UNC5C: variants seen among roughly 807,000 people sequenced by gnomAD.
UNC5C encodes the protein netrin receptor UNC5C.
In UNC5C, 47 loss-of-function variants were observed where a neutral mutation model predicts 99.8. That is an observed-to-expected ratio of 0.47 (90% CI 0.37 to 0.60). The LOEUF (loss-of-function observed/expected upper bound fraction) is 0.60. Among genes scored for constraint, UNC5C ranks in the 20% least tolerant of loss-of-function variants. UNC5C has a pLI of 0.00. For synonymous variants in UNC5C, 487 were observed against 452.2 expected, an observed-to-expected ratio of 1.08 and a Z score of -0.98; for missense variants, 1,062 against 1,165.9, an observed-to-expected ratio of 0.91 and a Z score of 1.30.
intron 1 of UNC5C, among the ~76,000 whole-genome samples, chr4:95,381,732 C>T (rs1362820222): frequency 6.6e-6 from 1 of 151,982 alleles, no homozygotes; most frequent in Non-Finnish European, 1.5e-5. Context: ...ATTGCATATA[C>T]ATTGATTAAA....
chr4:95,234,643 C>G (rs1739040530), intron 7 of UNC5C, among the ~76,000 whole-genome samples: 1 of 152,118 alleles, frequency 6.6e-6, no homozygotes, highest in African/African-American at 2.4e-5. Context: ...CTGATGGCTT[C>G]TAATTACTCT....
intron 7 of UNC5C, among the ~76,000 whole-genome samples, chr4:95,224,153 C>T (rs1170532379): frequency 1.3e-5 from 2 of 152,116 alleles, no homozygotes; most frequent in South Asian, 2.1e-4. Flanking sequence ...CATGGTGGCG[C>T]GTGCCTGTGA....
intron 1 of UNC5C, among the ~76,000 whole-genome samples, chr4:95,449,965 A>G (rs1201683251): frequency 6.6e-6 from 1 of 152,206 alleles, no homozygotes; most frequent in Non-Finnish European, 1.5e-5. Context: ...GCCCGTACCC[A>G]AGTTTCTTGT....
chr4:95,196,569 A>C (rs1737403466), intron 12 of UNC5C, among the ~76,000 whole-genome samples: 2 of 151,216 alleles, frequency 1.3e-5, no homozygotes, highest in African/African-American at 4.9e-5. Flanking sequence ...TTTAAGTTTC[A>C]GGTGACCATT....
chr4:95,497,985 G>T (rs894068432), intron 1 of UNC5C, among the ~76,000 whole-genome samples: 1 of 152,028 alleles, frequency 6.6e-6, no homozygotes, highest in African/African-American at 2.4e-5. Flanking sequence ...TGCACAAGCT[G>T]CACAGCTTCC....
rs34073450 is a variant in UNC5C at position 95,280,661 on chromosome 4, C to T, written c.491-2299G>A. On this transcript the variant is annotated intron_variant, in intron 3 of 15. Coordinates refer to ENST00000453304, the MANE Select transcript of UNC5C (RefSeq NM_003728.4). ...CCAAGATTGCACCACTGTACTCCAG[C>T]CTGGGTGAAAGAGTGAGACCCCATC... Among the ~76,000 whole-genome samples the T allele has an allele frequency of 6.5e-3, 983 of 151,148 alleles. 7 individuals carry two copies. The highest frequency in any genetic ancestry group is 0.022 in the African/African-American group (905 of 41,318).
In UNC5C at chr4:95,166,454, G is replaced by A. The variant is rs936286737; in HGVS notation, c.*2780C>T. 2.6e-5 allele frequency: 4 copies of A among 152,158 alleles called. No individual in the cohort carries two copies. The highest frequency in any genetic ancestry group is 4.8e-5 in the African/African-American group (2 of 41,428). 9.4% of individuals were successfully genotyped at this position (152,158 alleles called of 1,614,324 possible). On this transcript the variant is annotated 3_prime_UTR_variant, in exon 16 of 16. Coordinates refer to ENST00000453304, the MANE Select transcript of UNC5C (RefSeq NM_003728.4). ...AAATCAATCACTTTTCCCTTTTCTGGTGGTGGGAAGTTGAACCAAAAAAGC... is the reference window on the plus strand; with the variant it reads ...AAATCAATCACTTTTCCCTTTTCTGATGGTGGGAAGTTGAACCAAAAAAGC...
At chr4:95,409,147 C>G (rs1263571628) in intron 1 of UNC5C, among the ~76,000 whole-genome samples, 1 of 152,202 alleles carries the variant, frequency 6.6e-6, no homozygotes, top group East Asian at 1.9e-4. Context: ...ACTTTCCTAT[C>G]TATCAGATTA....
At chr4:95,391,541 T>C (rs1745358860) in intron 1 of UNC5C, among the ~76,000 whole-genome samples, 1 of 152,122 alleles carries the variant, frequency 6.6e-6, no homozygotes, top group Non-Finnish European at 1.5e-5. Flanking sequence ...CAGATATCTG[T>C]CATTTCTTTC....
At chr4:95,278,617 G>T (rs1740947028) in intron 3 of UNC5C, among the ~76,000 whole-genome samples, 1 of 151,876 alleles carries the variant, frequency 6.6e-6, no homozygotes, top group African/African-American at 2.4e-5. Flanking sequence ...TGGGACTACA[G>T]GTGCATGCTA....
At chr4:95,421,552 T>A (rs1396808114) in intron 1 of UNC5C, among the ~76,000 whole-genome samples, 2 of 151,966 alleles carry the variant, frequency 1.3e-5, no homozygotes, top group African/African-American at 4.8e-5. Context: ...ATTTGATATT[T>A]CATTCAAAAC....
In UNC5C at chr4:95,427,373, G is replaced by T. The variant is rs141314961; in HGVS notation, c.125-91742C>A. Among the ~76,000 whole-genome samples, 412 of 152,290 alleles carry T rather than the reference G, an allele frequency of 2.7e-3. 5 individuals carry two copies. The highest frequency in any genetic ancestry group is 0.014 in the Admixed American group (215 of 15,300). ...AGGATTGACTCCAATTTTGAAAGAA[G>T]TTCTACTATGGGTAAAATACTATGA... On this transcript the variant is annotated intron_variant, in intron 1 of 15. Coordinates refer to ENST00000453304, the MANE Select transcript of UNC5C (RefSeq NM_003728.4).
chr4:95,428,882 G>C (rs1057108370), intron 1 of UNC5C, among the ~76,000 whole-genome samples: 3 of 152,014 alleles, frequency 2.0e-5, no homozygotes, highest in African/African-American at 7.2e-5. Flanking sequence ...TCTCCTGACA[G>C]CCCCGTCACT....
intron 3 of UNC5C, among the ~76,000 whole-genome samples, chr4:95,283,723 A>G (rs1014072109): frequency 4.6e-5 from 7 of 152,240 alleles, no homozygotes; most frequent in Non-Finnish European, 8.8e-5. Context: ...TGTCAGAAAA[A>G]AAAGACGAAG....
intron 1 of UNC5C, among the ~76,000 whole-genome samples, chr4:95,452,590 T>C (rs1403650407): frequency 6.6e-6 from 1 of 152,148 alleles, no homozygotes; most frequent in Non-Finnish European, 1.5e-5. Flanking sequence ...ACAATTTCCT[T>C]AGAAATTCTG....
At chr4:95,352,391 C>A (rs751740505) in intron 1 of UNC5C, among the ~76,000 whole-genome samples, 6 of 152,114 alleles carry the variant, frequency 3.9e-5, no homozygotes, top group Non-Finnish European at 7.4e-5. Context: ...AGGATGTACC[C>A]TGGACAAAGG....
chr4:95,429,763 A>G (rs1426253671), intron 1 of UNC5C, among the ~76,000 whole-genome samples: 2 of 152,112 alleles, frequency 1.3e-5, no homozygotes, highest in Non-Finnish European at 2.9e-5. Context: ...ACATAAGCAC[A>G]TATTGAAATA....
Position 95,209,430 on chromosome 4 carries a change from C to T in UNC5C, c.1734-2634G>A, listed in dbSNP as rs1349279960. On this transcript the variant is annotated intron_variant, in intron 10 of 15. Transcript: ENST00000453304. ...AATAACTCTTGGCTATCAGTGCTTC[C>T]TCACTTATTCTGAAATTGCACCAGG... is the stretch of plus-strand genomic sequence containing the variant. 3.9e-5 allele frequency among the ~76,000 whole-genome samples: 6 copies of T among 152,276 alleles called. No individual in the cohort carries two copies. In the East Asian group the frequency reaches 1.2e-3, roughly 29 times the overall value.
chr4:95,389,637 A>G (rs780559153), intron 1 of UNC5C, among the ~76,000 whole-genome samples: 7 of 152,140 alleles, frequency 4.6e-5, no homozygotes, highest in Non-Finnish European at 1.0e-4. Context: ...AATTTTAAGT[A>G]TCTTTGGAAT....
Sources: allele counts gnomAD v4.1 joint callset (sites outside exome capture counted in the v4.1 genomes callset), GRCh38; gene constraint gnomAD v4.1.1; transcripts MANE v1.5; gene names NCBI Gene and HGNC (gene_info 2026-07-23, HGNC 2026-07-21).